MRPS25: variants seen among roughly 807,000 people sequenced by gnomAD.
The protein encoded by MRPS25 is mitochondrial ribosomal protein S25.
MRPS25 carries 15 observed loss-of-function variants against 17.3 expected under a neutral mutation model. The observed-to-expected ratio is 0.87, with a 90% CI of 0.58 to 1.34. The LOEUF (loss-of-function observed/expected upper bound fraction) is 1.34, where lower values mean the gene tolerates loss of function less well. MRPS25 is among the 40% of genes most tolerant of loss of function. The probability of loss-of-function intolerance (pLI) is 0.00; values close to 1 mark genes in which losing one functional copy is unlikely to be tolerated. For synonymous variants in MRPS25, 94 were observed against 83.3 expected, an observed-to-expected ratio of 1.13 and a Z score of -0.70; for missense variants, 225 against 218.6, an observed-to-expected ratio of 1.03 and a Z score of -0.19.
chr3:15,057,910 T>C (rs766279226), intron 2 of MRPS25, among the ~76,000 whole-genome samples: 3 of 152,192 alleles, frequency 2.0e-5, no homozygotes, highest in Non-Finnish European at 2.9e-5. Context: ...TATTAGACAG[T>C]GTCTCACTCT....
In MRPS25 at chr3:15,052,358, G is replaced by C; in HGVS notation, c.*83C>G. 6.5e-7 allele frequency: 1 copy of C among 1,530,208 alleles called. No homozygotes were observed. The highest frequency in any genetic ancestry group is 8.8e-7 in the Non-Finnish European group (1 of 1,139,066). 94.8% of individuals were successfully genotyped at this position (1,530,208 alleles called of 1,614,324 possible). A position where few individuals can be genotyped will look rare whatever the true frequency, so the allele number is the denominator to read the frequency against. On this transcript the variant is annotated 3_prime_UTR_variant, in exon 4 of 4. Transcript: ENST00000253686. ...CCAGAGTCTCCAGGGACAGAACCAG[G>C]GGCTTCCCTGGGCCAAAGTAATCCC...
chr3:15,051,858 T>A lies in MRPS25; in HGVS notation c.*583A>T. 1.0e-6 allele frequency: 1 copy of A among 985,308 alleles called. No homozygotes were observed. Among genetic ancestry groups the A allele is most frequent in the Non-Finnish European group, 1.2e-6 (1 of 829,934 alleles). 61.0% of individuals were successfully genotyped at this position (985,308 alleles called of 1,614,324 possible). ...CTGGCCTGTCAGCCACTGGGGCTCC[T>A]CCATCTCTGGCCCATGGCTAGGCCC... is the stretch of plus-strand genomic sequence containing the variant. On this transcript the variant is annotated 3_prime_UTR_variant, in exon 4 of 4. Transcript: ENST00000253686.
At chr3:15,060,699 G>A (rs573747236) in intron 1 of MRPS25, among the ~76,000 whole-genome samples, 6 of 151,912 alleles carry the variant, frequency 3.9e-5, no homozygotes, top group African/African-American at 9.7e-5. Context: ...TGGCTAACAC[G>A]GTGAAATGCC....
chr3:15,056,603 G>T (rs2042676739), intron 2 of MRPS25, among the ~76,000 whole-genome samples: 1 of 152,234 alleles, frequency 6.6e-6, no homozygotes, highest in African/African-American at 2.4e-5. Context: ...TGCTGGCTTT[G>T]AAGATGGTAG....
intron 1 of MRPS25, among the ~76,000 whole-genome samples, chr3:15,062,277 C>A (rs2042779547): frequency 1.8e-5 from 1 of 55,870 alleles, no homozygotes; most frequent in African/African-American, 8.6e-5. Flanking sequence ...AGGGGGTCAG[C>A]CCCCCGCCCG....
chr3:15,064,832 G>A (rs1463844000), intron 1 of MRPS25, among the ~76,000 whole-genome samples: 1 of 152,198 alleles, frequency 6.6e-6, no homozygotes, highest in African/African-American at 2.4e-5. Context: ...TCCAGGAGTG[G>A]GGTTCTTGTC....
At chr3:15,059,037 T>C (rs1160880845) in intron 2 of MRPS25, among the ~76,000 whole-genome samples, 2 of 150,838 alleles carry the variant, frequency 1.3e-5, no homozygotes, top group African/African-American at 2.4e-5. Flanking sequence ...TTTTTTTTTT[T>C]CAGTTAAATA....
At chr3:15,061,584 C>T (rs181674042) in intron 1 of MRPS25, among the ~76,000 whole-genome samples, 43 of 152,326 alleles carry the variant, frequency 2.8e-4, no homozygotes, top group Middle Eastern at 3.4e-3. Flanking sequence ...ACCTCCCAGC[C>T]GCCTGCCTTG....
Position 15,052,520 on chromosome 3 carries a change from G to T in MRPS25, c.443C>A (p.Pro148His), listed in dbSNP as rs773922583. Residue 148 changes from proline to histidine, a missense_variant, in exon 4 of 4, where the codon CCC (proline) becomes CAC (histidine). Pro to His is a moderately conservative substitution (Grantham distance 77, BLOSUM62 -2). Coordinates refer to ENST00000253686, the MANE Select transcript of MRPS25 (RefSeq NM_022497.5). Reference protein sequence around the residue: ...ECICEVEGQVPCPSLVPLPKE... With the variant: ...ECICEVEGQVHCPSLVPLPKE... The stretch of plus-strand genomic sequence containing the variant: ...GGGTAATGGCACCAGGCTGGGGCAG[G>T]GCACCTGCCCTTCCACTTCACAGAT... The T allele has an allele frequency of 1.2e-6, 2 of 1,614,122 alleles. No individual in the cohort carries two copies. Among genetic ancestry groups the T allele is most frequent in the South Asian group, 2.2e-5 (2 of 91,074 alleles).
chr3:15,059,565 T>C (rs1216287928), intron 1 of MRPS25, 90 bp from the exon 2 acceptor site: 7 of 870,874 alleles, frequency 8.0e-6, no homozygotes, highest in East Asian at 2.7e-5. Flanking sequence ...AAGCCCAGCA[T>C]TTTCATCAGA....
downstream of MRPS25, chr3:15,045,001 G>T (rs1488665336): frequency 6.6e-6 from 1 of 152,170 alleles, no homozygotes; most frequent in Non-Finnish European, 1.5e-5. Flanking sequence ...ATGATGGAAA[G>T]GATTTAATTT....
downstream of MRPS25, chr3:15,047,576 G>A (rs1456656431): frequency 6.6e-6 from 1 of 152,236 alleles, no homozygotes; most frequent in African/African-American, 2.4e-5. Flanking sequence ...AACGGTCTGT[G>A]TCAGTGAGGC....
chr3:15,065,187 A>C lies in MRPS25; in HGVS notation c.8T>G (p.Met3Arg). The C allele has an allele frequency of 1.9e-6, 3 of 1,600,542 alleles. No individual in the cohort carries two copies. Among genetic ancestry groups the C allele is most frequent in the Non-Finnish European group, 2.6e-6 (3 of 1,174,324 alleles). MP[M>R]KGRFPIRRTL... is the part of the protein sequence containing the mutation. ...GCGGCGGATGGGGAAGCGGCCCTTC[A>C]TGGGCATGGCGGCAACGGTGGCGGG... The change falls in exon 1 of 4, where the codon ATG becomes AGG. Residue 3 changes from methionine (M) to arginine (R), a missense_variant. Transcript: ENST00000253686.
rs536608872 is a variant in MRPS25, at chr3:15,051,861, ATC to A, written c.*578_*579del. On this transcript the variant is annotated 3_prime_UTR_variant, in exon 4 of 4. Transcript: ENST00000253686. The stretch of plus-strand genomic sequence containing the variant: ...GCCTGTCAGCCACTGGGGCTCCTCC[ATC>A]TCTGGCCCATGGCTAGGCCCCCCAG... The A allele has an allele frequency of 1.8e-4, 174 of 985,402 alleles. 2 individuals are homozygous for A. The African/African-American group carries it at 2.8e-3, about 16-fold the overall frequency. The allele number at this position is 985,402 out of a possible 1,614,324, so 61.0% of individuals were successfully genotyped here.
At chr3:15,053,504 A>C (rs748134779) in intron 2 of MRPS25, 37 bp from the exon 3 acceptor site, 36 of 1,613,634 alleles carry the variant, frequency 2.2e-5, no homozygotes, top group Middle Eastern at 1.6e-4. Flanking sequence ...GAGAAACAGA[A>C]CTCACAGCGC....
Position 15,051,365 on chromosome 3 carries a change from G to A in MRPS25, c.*1076C>T. On this transcript the variant is annotated 3_prime_UTR_variant, in exon 4 of 4. Transcript: ENST00000253686. ...CACCCATCTAATTTTTGTACTTTTT[G>A]TAGAGACAAGGTCTTGCCATGTTGC... 1.8e-6 allele frequency: 1 copy of A among 568,272 alleles called. No homozygotes were observed. Among genetic ancestry groups the A allele is most frequent in the Non-Finnish European group, 2.2e-6 (1 of 449,118 alleles). 35.2% of individuals were successfully genotyped at this position (568,272 alleles called of 1,614,324 possible).
At position 15,052,008 on chromosome 3, in the gene MRPS25, A is replaced by G; in HGVS notation, c.*433T>C. On this transcript the variant is annotated 3_prime_UTR_variant, in exon 4 of 4. Transcript: ENST00000253686. ...GGGGTGTACACACTGCCAACCACAGACAGTGCTAGCCAGACTCAACCACAG... is the reference window on the plus strand; with the variant it reads ...GGGGTGTACACACTGCCAACCACAGGCAGTGCTAGCCAGACTCAACCACAG... 3.8e-5 allele frequency: 38 copies of G among 993,206 alleles called. No homozygotes were observed. Among genetic ancestry groups the G allele is most frequent in the Non-Finnish European group, 4.4e-5 (37 of 835,144 alleles). 61.5% of individuals were successfully genotyped at this position (993,206 alleles called of 1,614,324 possible). A position where few individuals can be genotyped will look rare whatever the true frequency, so the allele number is the denominator to read the frequency against.
At chr3:15,056,626 A>G (rs532873470) in intron 2 of MRPS25, among the ~76,000 whole-genome samples, 2 of 152,354 alleles carry the variant, frequency 1.3e-5, no homozygotes, top group South Asian at 4.1e-4. Flanking sequence ...TAAGGCCACA[A>G]GCCAAAAAAT....
intron 1 of MRPS25, among the ~76,000 whole-genome samples, chr3:15,061,341 C>G (rs1452158236): frequency 6.6e-6 from 1 of 152,186 alleles, no homozygotes; most frequent in Non-Finnish European, 1.5e-5. Context: ...TCAGCCTGCC[C>G]AGCGCCTGCG....
Sources: gnomAD v4.1 joint callset for allele counts (sites outside exome capture counted in the v4.1 genomes callset) on GRCh38, gnomAD v4.1.1 for gene constraint, MANE v1.5 for transcripts, NCBI Gene and HGNC (gene_info 2026-07-23, HGNC 2026-07-21) for gene names.